EVA1C: variants seen among roughly 807,000 people sequenced by gnomAD.
The protein encoded by EVA1C is eva-1 homolog C, also known as protein eva-1 homolog C.
EVA1C carries 25 observed loss-of-function variants against 45.4 expected under a neutral mutation model. The ratio of observed to expected loss-of-function variants is 0.55; its 90% CI spans 0.40 to 0.77. EVA1C has a LOEUF of 0.77. Ranked by LOEUF, EVA1C falls within the 30% of genes least tolerant of loss-of-function variation. The pLI, the probability that EVA1C is intolerant of heterozygous loss-of-function variation, is 0.00. For missense variants in EVA1C, 479 were observed against 554.8 expected (o/e 0.86, Z 1.37); for synonymous variants, 190 against 221.2 (o/e 0.86, Z 1.25).
rs11313843 is a variant in EVA1C, at chr21:32,425,962, C to CTT, written c.160+12959_160+12960dup. ...TTTTAGAACCTGAAAAAAGTGAACA[C>CTT]TTTTTTTTTTTAAATCAGAGTTGAG... On this transcript the variant is annotated intron_variant, in intron 1 of 7. Coordinates refer to ENST00000300255, the MANE Select transcript of EVA1C (RefSeq NM_058187.5). Among the ~76,000 whole-genome samples the CTT allele has an allele frequency of 3.3e-5, 5 of 149,542 alleles. No individual in the cohort carries two copies. The Middle Eastern group carries it at 0.01, about 312-fold the overall frequency.
rs1218022936 is a variant in EVA1C, at chr21:32,495,148, C to T, written c.756C>T (p.Tyr252=). ...GSPCLPGVKK[Y]LTVTYACVPK... is the part of the protein sequence containing the mutation. ...CCTGTTTGCCAGGCGTGAAAAAATA[C>T]CTCACTGTGACCTACGCATGTGGTA... is the stretch of plus-strand genomic sequence containing the variant. Residue 252 remains tyrosine (Y), a synonymous_variant, in exon 5 of 8, where the codon TAC becomes TAT. Transcript: ENST00000300255. 1.2e-6 allele frequency: 2 copies of T among 1,614,054 alleles called. No individual in the cohort carries two copies. Among genetic ancestry groups the T allele is most frequent in the Admixed American group, 3.3e-5 (2 of 60,000 alleles).
In EVA1C at chr21:32,515,063, T is replaced by C; in HGVS notation, c.1199T>C (p.Ile400Thr). ...GGGTTCTGTAGGACTTCATATCCTA[T>C]ATACAGTTCCATAGAAGCTGCAGAG... ...LSGFCRTSYP[I>T]YSSIEAAELA... The change falls in exon 8 of 8, where the codon ATA becomes ACA. Residue 400 changes from isoleucine (I) to threonine (T), a missense_variant. Physicochemically the swap from Ile to Thr is moderately conservative, Grantham distance 89. Transcript: ENST00000300255. 1 of 1,614,136 alleles carries C rather than the reference T, an allele frequency of 6.2e-7. No individual in the cohort carries two copies. The highest frequency in any genetic ancestry group is 8.5e-7 in the Non-Finnish European group (1 of 1,180,018).
Position 32,439,239 on chromosome 21 carries a change from C to CAAAAAAAA in EVA1C, c.161-14071_161-14064dup, listed in dbSNP as rs376611535. ...TGGGCAACAGAGCAAGACTACATCT[C>CAAAAAAAA]AAAAAAAAAGATTGGGGCAATCAGA... On this transcript the variant is annotated intron_variant, in intron 1 of 7. Coordinates refer to ENST00000300255, the MANE Select transcript of EVA1C (RefSeq NM_058187.5). Among the ~76,000 whole-genome samples, 3 of 110,784 alleles carry CAAAAAAAA rather than the reference C, an allele frequency of 2.7e-5. 1 individual carries two copies. Among genetic ancestry groups the CAAAAAAAA allele is most frequent in the Admixed American group, 9.7e-5 (1 of 10,258 alleles). 72.7% of individuals were successfully genotyped at this position (110,784 alleles called of 152,430 possible).
chr21:32,463,501 C>T (rs1270375877), intron 3 of EVA1C, among the ~76,000 whole-genome samples: 1 of 152,238 alleles, frequency 6.6e-6, no homozygotes. Flanking sequence ...AACCAAGTGA[C>T]TCAACATAAC....
intron 4 of EVA1C, among the ~76,000 whole-genome samples, chr21:32,482,542 G>C (rs1306777308): frequency 1.3e-5 from 2 of 152,076 alleles, no homozygotes; most frequent in African/African-American, 4.8e-5. Flanking sequence ...GTACCTCCTC[G>C]GAAGCCCAGG....
At chr21:32,461,891 A>G (rs1428088636) in intron 3 of EVA1C, among the ~76,000 whole-genome samples, 5 of 152,130 alleles carry the variant, frequency 3.3e-5, no homozygotes, top group Non-Finnish European at 7.4e-5. Context: ...TTTCTGCTGC[A>G]TATCGTATCT....
chr21:32,437,605 G>T (rs1158469440), intron 1 of EVA1C, among the ~76,000 whole-genome samples: 7 of 152,196 alleles, frequency 4.6e-5, no homozygotes, highest in African/African-American at 1.7e-4. Flanking sequence ...GAGCTCTGCT[G>T]ATCCTGGAGA....
chr21:32,439,249 G>A (rs867045376), intron 1 of EVA1C, among the ~76,000 whole-genome samples: 19 of 61,188 alleles, frequency 3.1e-4, no homozygotes, highest in African/African-American at 1.4e-3. Flanking sequence ...CAAAAAAAAA[G>A]ATTGGGGCAA....
intron 1 of EVA1C, among the ~76,000 whole-genome samples, chr21:32,419,257 A>G (rs2034167907): frequency 6.6e-6 from 1 of 152,204 alleles, no homozygotes; most frequent in Non-Finnish European, 1.5e-5. Flanking sequence ...TATCTTTAAA[A>G]TTCTTAGTGA....
At chr21:32,442,982 A>G (rs2035232673) in intron 1 of EVA1C, among the ~76,000 whole-genome samples, 1 of 119,264 alleles carries the variant, frequency 8.4e-6, no homozygotes, top group African/African-American at 3.1e-5. Context: ...GAAGGGAAGG[A>G]AGGGAGGGAG....
chr21:32,506,635 C>T (rs2037729617), intron 7 of EVA1C, among the ~76,000 whole-genome samples: 2 of 152,020 alleles, frequency 1.3e-5, no homozygotes, highest in Admixed American at 6.6e-5. Context: ...CTTGGTGTGT[C>T]TATGTCGCTG....
At chr21:32,467,919 T>G in intron 4 of EVA1C, 71 bp downstream of exon 4, 2 of 896,768 alleles carry the variant, frequency 2.2e-6, no homozygotes, top group Non-Finnish European at 3.0e-6. Flanking sequence ...TATATATATA[T>G]ATCCTATATA....
At chr21:32,465,616 C>A (rs1428559841) in intron 3 of EVA1C, among the ~76,000 whole-genome samples, 2 of 152,024 alleles carry the variant, frequency 1.3e-5, no homozygotes, top group Admixed American at 6.6e-5. Context: ...TTTTGCTGAG[C>A]AAAATATAGT....
chr21:32,494,184 G>C (rs996863353), intron 4 of EVA1C, among the ~76,000 whole-genome samples: 5 of 152,166 alleles, frequency 3.3e-5, no homozygotes, highest in African/African-American at 1.2e-4. Flanking sequence ...TGATTTTAAT[G>C]ATGTTGTGCC....
At chr21:32,431,503 C>T (rs1353878832) in intron 1 of EVA1C, among the ~76,000 whole-genome samples, 4 of 152,224 alleles carry the variant, frequency 2.6e-5, no homozygotes, top group African/African-American at 9.6e-5. Context: ...TGCAGTTTCA[C>T]CCCCAGCTAA....
At chr21:32,499,962 A>G (rs567749919) in intron 5 of EVA1C, among the ~76,000 whole-genome samples, 2 of 152,302 alleles carry the variant, frequency 1.3e-5, no homozygotes, top group African/African-American at 4.8e-5. Flanking sequence ...TCACGCTGCC[A>G]TCCTCTCTGC....
intron 1 of EVA1C, among the ~76,000 whole-genome samples, chr21:32,433,697 C>A (rs969234768): frequency 3.3e-5 from 5 of 152,180 alleles, no homozygotes; most frequent in African/African-American, 1.2e-4. Flanking sequence ...CAGAGCAGGG[C>A]ACTGTTGTGG....
chr21:32,471,583 C>T (rs2036377795), intron 4 of EVA1C, among the ~76,000 whole-genome samples: 1 of 151,888 alleles, frequency 6.6e-6, no homozygotes, highest in African/African-American at 2.4e-5. Flanking sequence ...ACCCTGGCCT[C>T]CCAAAATGCT....
Position 32,467,256 on chromosome 21 carries a change from A to C in EVA1C, c.482-440A>C, listed in dbSNP as rs2036207852. Among the ~76,000 whole-genome samples, 3 of 152,172 alleles carry C rather than the reference A, an allele frequency of 2.0e-5. No individual in the cohort carries two copies. In the South Asian group the frequency reaches 6.2e-4, roughly 32 times the overall value. ...TTAACTGGGCTCTCTCCAGAGAGAG[A>C]AAGAAGCTTAATGCTTCTTTCAAGT... On this transcript the variant is annotated intron_variant, in intron 3 of 7. Coordinates refer to ENST00000300255, the MANE Select transcript of EVA1C (RefSeq NM_058187.5).
Sources: allele counts gnomAD v4.1 joint callset (sites outside exome capture counted in the v4.1 genomes callset), GRCh38; gene constraint gnomAD v4.1.1; transcripts MANE v1.5; gene names NCBI Gene and HGNC (gene_info 2026-07-23, HGNC 2026-07-21).